The following WWOX variants were observed in gnomAD, a reference collection of about 807,000 sequenced individuals.
The protein encoded by WWOX is WW domain containing oxidoreductase, also known as WW domain-containing oxidoreductase.
Under a neutral mutation model 46.2 loss-of-function variants are expected in WWOX, and 69 were observed. The observed-to-expected ratio is 1.49, with a 90% confidence interval of 1.23 to 1.82. WWOX has a LOEUF of 1.82. Among genes scored for constraint, WWOX ranks in the 40% most tolerant of loss-of-function variants. The pLI is 0.00. For synonymous variants in WWOX, 359 were observed against 202.6 expected, an observed-to-expected ratio of 1.77 and a Z score of -6.56; for missense variants, 919 against 542.6, an observed-to-expected ratio of 1.69 and a Z score of -6.89.
intron 8 of WWOX, chr16:78,535,139 A>T (rs1440463540): frequency 6.6e-6 from 1 of 152,224 alleles, no homozygotes; most frequent in African/African-American, 2.4e-5. Context: ...TTTTCCCTGC[A>T]TTGAGATAGC....
chr16:78,609,748 G>T (rs1369831064), intron 8 of WWOX, among the ~76,000 whole-genome samples: 6 of 152,142 alleles, frequency 3.9e-5, no homozygotes, highest in Non-Finnish European at 8.8e-5. Flanking sequence ...AAAACAAAGG[G>T]GTGAGGTGGG....
chr16:78,600,552 G>C (rs1473324134), intron 8 of WWOX, among the ~76,000 whole-genome samples: 4 of 152,134 alleles, frequency 2.6e-5, no homozygotes, highest in Non-Finnish European at 4.4e-5. Flanking sequence ...ACTTCTCCTA[G>C]GGATCATCAT....
At chr16:78,940,655 C>A (rs1354725660) in intron 8 of WWOX, among the ~76,000 whole-genome samples, 1 of 143,736 alleles carries the variant, frequency 7.0e-6, no homozygotes, top group South Asian at 2.2e-4. Flanking sequence ...ATATGTCTTT[C>A]TTTCTTTTCT....
At chr16:78,689,132 A>C (rs1257582037) in intron 8 of WWOX, among the ~76,000 whole-genome samples, 1 of 152,150 alleles carries the variant, frequency 6.6e-6, no homozygotes, top group Non-Finnish European at 1.5e-5. Flanking sequence ...GCTGCAGAAC[A>C]TCTCCAAACA....
intron 8 of WWOX, among the ~76,000 whole-genome samples, chr16:79,034,971 A>G (rs1402256788): frequency 2.0e-5 from 3 of 152,236 alleles, no homozygotes; most frequent in Admixed American, 2.0e-4. Flanking sequence ...AGTATAAATC[A>G]GAAGCAAAAT....
intron 6 of WWOX, among the ~76,000 whole-genome samples, chr16:78,421,523 T>A (rs1441533618): frequency 6.6e-6 from 1 of 152,268 alleles, no homozygotes; most frequent in East Asian, 1.9e-4. Flanking sequence ...AGACCCTTTT[T>A]CCAAATAAGG....
At chr16:78,396,002 C>G (rs1400438908) in intron 6 of WWOX, among the ~76,000 whole-genome samples, 1 of 152,116 alleles carries the variant, frequency 6.6e-6, no homozygotes, top group Non-Finnish European at 1.5e-5. Context: ...ACTAGGAATC[C>G]TTAAGTACAG....
At chr16:78,479,715 G>A (rs981668002) in intron 8 of WWOX, among the ~76,000 whole-genome samples, 1 of 152,190 alleles carries the variant, frequency 6.6e-6, no homozygotes, top group Non-Finnish European at 1.5e-5. Context: ...CAAGGGCCAG[G>A]ACACGAAATA....
intron 8 of WWOX, chr16:78,896,915 AC>A (rs1231854806): frequency 6.6e-6 from 1 of 151,996 alleles, no homozygotes; most frequent in Non-Finnish European, 1.5e-5. Context: ...TCATGGATCC[AC>A]CACCCCAGTT....
chr16:78,863,753 T>A (rs1197452494), intron 8 of WWOX, among the ~76,000 whole-genome samples: 1 of 152,256 alleles, frequency 6.6e-6, no homozygotes, highest in African/African-American at 2.4e-5. Flanking sequence ...GTCACTGTAC[T>A]AGTTTTCTAT....
At chr16:78,851,986 A>G (rs1409142487) in intron 8 of WWOX, among the ~76,000 whole-genome samples, 1 of 152,198 alleles carries the variant, frequency 6.6e-6, no homozygotes. Flanking sequence ...CAGCTGTTTG[A>G]AACACAGCAC....
At chr16:78,499,838 C>A (rs933320194) in intron 8 of WWOX, among the ~76,000 whole-genome samples, 1 of 152,176 alleles carries the variant, frequency 6.6e-6, no homozygotes, top group African/African-American at 2.4e-5. Context: ...GATGCTGAGA[C>A]CTTGAATTTC....
chr16:79,145,955 T>A (rs1038342783), intron 8 of WWOX, among the ~76,000 whole-genome samples: 1 of 152,208 alleles, frequency 6.6e-6, no homozygotes, highest in African/African-American at 2.4e-5. Context: ...TAAAATGATA[T>A]AATTTTACCA....
intron 8 of WWOX, among the ~76,000 whole-genome samples, chr16:78,580,894 A>G (rs893386573): frequency 5.7e-4 from 87 of 152,206 alleles, no homozygotes; most frequent in African/African-American, 2.1e-3. Context: ...CTGCCCACCC[A>G]GGTGGTAATT....
At chr16:78,127,117 C>T (rs2033394499) in intron 4 of WWOX, among the ~76,000 whole-genome samples, 1 of 152,126 alleles carries the variant, frequency 6.6e-6, no homozygotes, top group South Asian at 2.1e-4. Context: ...TAACCACTTC[C>T]TATCTGTATG....
chr16:78,555,856 ATG>A (rs1274606715), intron 8 of WWOX, among the ~76,000 whole-genome samples: 1 of 152,180 alleles, frequency 6.6e-6, no homozygotes, highest in Non-Finnish European at 1.5e-5. Flanking sequence ...GCTTAAATAA[ATG>A]TTATCACAAT....
intron 8 of WWOX, among the ~76,000 whole-genome samples, chr16:78,863,293 A>G (rs1048654095): frequency 1.3e-5 from 2 of 152,180 alleles, no homozygotes; most frequent in Admixed American, 1.3e-4. Context: ...CAATGAGCAG[A>G]CACTCGCAGT....
rs563222736 is a variant in WWOX, at chr16:78,722,420, C to A, written c.1056+289668C>A. On this transcript the variant is annotated intron_variant, in intron 8 of 8. Coordinates refer to ENST00000566780, the MANE Select transcript of WWOX (RefSeq NM_016373.4). ...GATGGAGAAAATAGCTGAAAAGTGA[C>A]CGTATGAAATGAGCAGCAGTTGTCA... Among the ~76,000 whole-genome samples the A allele has an allele frequency of 2.2e-3, 342 of 152,232 alleles. 1 individual carries two copies. The highest frequency in any genetic ancestry group is 7.8e-3 in the African/African-American group (322 of 41,546).
chr16:78,661,419 TCAATA>T (rs1280795291), intron 8 of WWOX, among the ~76,000 whole-genome samples: 4 of 152,182 alleles, frequency 2.6e-5, no homozygotes, highest in Non-Finnish European at 5.9e-5. Context: ...TTTTCCCCTT[TCAATA>T]CATCACATTG....
Sources: gnomAD v4.1 joint callset for allele counts (sites outside exome capture counted in the v4.1 genomes callset) on GRCh38, gnomAD v4.1.1 for gene constraint, MANE v1.5 for transcripts, NCBI Gene and HGNC (gene_info 2026-07-23, HGNC 2026-07-21) for gene names.